ZNF416: variants seen among roughly 807,000 people sequenced by gnomAD.
ZNF416 encodes zinc finger protein 416.
ZNF416 carries 5 observed loss-of-function variants against 10.9 expected under a neutral mutation model. The ratio of observed to expected loss-of-function variants is 0.46; its 90% CI spans 0.24 to 0.97. The LOEUF (loss-of-function observed/expected upper bound fraction) is 0.97, where lower values mean the gene tolerates loss of function less well. ZNF416 is among the 50% of genes least tolerant of loss of function. The pLI is 0.19. For synonymous variants in ZNF416, 267 were observed against 251.8 expected (o/e 1.06, Z -0.57); for missense variants, 675 against 715.0 (o/e 0.94, Z 0.64).
chr19:57,574,417 T>C (rs1261483583), intron 3 of ZNF416, among the ~76,000 whole-genome samples: 1 of 152,228 alleles, frequency 6.6e-6, no homozygotes, highest in Non-Finnish European at 1.5e-5. Context: ...CTTCCTCATG[T>C]GGCCCTGCAT....
chr19:57,572,710 A>G lies in ZNF416; in HGVS notation c.1194T>C (p.Val398=), dbSNP rs781057139. 4.0e-5 allele frequency: 65 copies of G among 1,614,072 alleles called. No individual in the cohort carries two copies. In the South Asian group the frequency reaches 6.8e-4, roughly 17 times the overall value. ...GKLFRQSFSL[V]VHQRIHTTAR... The stretch of plus-strand genomic sequence containing the variant: ...CTGTAGTGTGAATTCTCTGGTGTAC[A>G]ACAAGGCTGAAGCTTTGTCTGAATA... Residue 398 remains valine (V), a synonymous_variant, in exon 4 of 4, where the codon GTT becomes GTC. Coordinates refer to ENST00000196489, the MANE Select transcript of ZNF416 (RefSeq NM_017879.3). This position sits in a 1 kb window ranked among gnomAD's most constrained non-coding sequence, Gnocchi z 4.5.
chr19:57,577,916 G>A (rs757757119), intron 2 of ZNF416, 141 bp downstream of exon 2: 11 of 856,580 alleles, frequency 1.3e-5, no homozygotes, highest in Non-Finnish European at 2.1e-5. Context: ...CAGCCTGGAT[G>A]TATGACCCTG....
rs775717052 is a variant in ZNF416, at chr19:57,578,069, C to T, written c.63G>A (p.Met21Ile). Residue 21 changes from methionine (M) to isoleucine (I), a missense_variant, in exon 2 of 4, where the codon ATG (methionine) becomes ATA (isoleucine). Transcript: ENST00000196489. ...ACTCTCCACTCACCTGTGTAAAGCC[C>T]ATAAGTTTAGCTTCTGCAGTCACGG... Reference protein sequence around the residue: ...SVPVTAEAKLMGFTQGCVTFE... With the variant: ...SVPVTAEAKLIGFTQGCVTFE... The T allele has an allele frequency of 6.2e-7, 1 of 1,614,170 alleles. No individual in the cohort carries two copies. The highest frequency in any genetic ancestry group is 1.1e-5 in the South Asian group (1 of 91,084).
chr19:57,576,685 G>A (rs1199154959), intron 2 of ZNF416, among the ~76,000 whole-genome samples: 1 of 151,786 alleles, frequency 6.6e-6, no homozygotes, highest in Non-Finnish European at 1.5e-5. Context: ...CTCATTCAAA[G>A]TCTGCCCCAG....
chr19:57,573,458 A>C lies in ZNF416; in HGVS notation c.446T>G (p.Leu149Trp). ...DQKHHSAEKPLESDMDKASFV... is the reference protein window; with the variant it reads ...DQKHHSAEKPWESDMDKASFV... Reference sequence around the variant, plus strand: ...TGAGGCCTTGTCCATGTCACTTTCCAAGGGTTTCTCTGCACTATGATGCTT... The same window carrying C: ...TGAGGCCTTGTCCATGTCACTTTCCCAGGGTTTCTCTGCACTATGATGCTT... Residue 149 changes from leucine to tryptophan, a missense_variant, in exon 4 of 4, where the codon TTG becomes TGG. Coordinates refer to ENST00000196489, the MANE Select transcript of ZNF416 (RefSeq NM_017879.3). 3 of 1,614,216 alleles carry C rather than the reference A, an allele frequency of 1.9e-6. No homozygotes were observed. The highest frequency in any genetic ancestry group is 2.5e-6 in the Non-Finnish European group (3 of 1,180,032).
rs756348744 is a variant in ZNF416 at position 57,573,592 on chromosome 19, T to C, written c.312A>G (p.Gln104=). 7.4e-6 allele frequency: 12 copies of C among 1,614,176 alleles called. No homozygotes were observed. The highest frequency in any genetic ancestry group is 1.6e-4 in the Middle Eastern group (1 of 6,062). Residue 104 remains glutamine, a synonymous_variant, in exon 4 of 4, where the codon CAA becomes CAG. Transcript: ENST00000196489. ...PEASPSTQKI[Q]SCDMCVPFLT... is the part of the protein sequence containing the mutation. Reference sequence around the variant, plus strand: ...GGAATGGGACACACATGTCACAGGATTGAATCTTCTGGGTGGATGGACTGG... The same window carrying C: ...GGAATGGGACACACATGTCACAGGACTGAATCTTCTGGGTGGATGGACTGG...
chr19:57,578,438 C>A (rs550605296), intron 1 of ZNF416: 11 of 548,694 alleles, frequency 2.0e-5, no homozygotes, highest in African/African-American at 3.8e-5. Flanking sequence ...ACCATTCGGG[C>A]GTGAACGTTA....
Position 57,572,910 on chromosome 19 carries a change from C to T in ZNF416, c.994G>A (p.Gly332Arg), listed in dbSNP as rs200470907. ...GERPYECGEC[G>R]KSFSQSSNLI... ...TTGGAACTTTGGCTAAAAGATTTCC[C>T]ACATTCACCACACTCGTAAGGCCTT... The change falls in exon 4 of 4, where the codon GGG becomes AGG. Residue 332 changes from glycine to arginine, a missense_variant. Coordinates refer to ENST00000196489, the MANE Select transcript of ZNF416 (RefSeq NM_017879.3). This position sits in a 1 kb window ranked among gnomAD's most constrained non-coding sequence, Gnocchi z 4.5. 1.9e-6 allele frequency: 3 copies of T among 1,614,150 alleles called. No individual in the cohort carries two copies. The highest frequency in any genetic ancestry group is 2.5e-6 in the Non-Finnish European group (3 of 1,180,020).
intron 1 of ZNF416, 50 bp downstream of exon 1, chr19:57,578,622 T>C: frequency 3.3e-6 from 5 of 1,508,128 alleles, no homozygotes; most frequent in Non-Finnish European, 3.6e-6. Flanking sequence ...TGCAGGGTGT[T>C]GGATTTCCGG....
chr19:57,573,217 AGT>A lies in ZNF416; in HGVS notation c.685_686del (p.Thr229PhefsTer5). The A allele has an allele frequency of 6.2e-7, 1 of 1,614,210 alleles. No individual in the cohort carries two copies. The highest frequency in any genetic ancestry group is 8.5e-7 in the Non-Finnish European group (1 of 1,180,030). ...CAGTGCAGACTCTAGGGTGAAAAAA[AGT>A]GTGTTTGTGGCTGGACTCTCTCCTG... ...QCRRESSHKH[T>X]FFHPRVCTGK... On this transcript the variant is annotated frameshift_variant, in exon 4 of 4. Transcript: ENST00000196489. LOFTEE classifies it low-confidence loss of function (END_TRUNC).
chr19:57,572,280 C>A lies in ZNF416; in HGVS notation c.1624G>T (p.Val542Leu). The change falls in exon 4 of 4, where the codon GTG becomes TTG. Residue 542 changes from valine to leucine, a missense_variant. Coordinates refer to ENST00000196489, the MANE Select transcript of ZNF416 (RefSeq NM_017879.3). The surrounding 1 kb of genome is among the most constrained non-coding windows in gnomAD (Gnocchi z 4.5). ...TATGGCCTTTCTCCTGTGTGAACCACTTGGTGTTGAATGAGGCTAGACTTT... is the reference window on the plus strand; with the variant it reads ...TATGGCCTTTCTCCTGTGTGAACCAATTGGTGTTGAATGAGGCTAGACTTT... Reference protein sequence around the residue: ...IQKSSLIQHQVVHTGERPYEC... With the variant: ...IQKSSLIQHQLVHTGERPYEC... 1 of 1,613,688 alleles carries A rather than the reference C, an allele frequency of 6.2e-7. No homozygotes were observed.
In ZNF416 at chr19:57,573,244, G is replaced by A. The variant is rs1468325627; in HGVS notation, c.660C>T (p.Cys220=). 7 of 1,614,244 alleles carry A rather than the reference G, an allele frequency of 4.3e-6. No homozygotes were observed. Among genetic ancestry groups the A allele is most frequent in the Non-Finnish European group, 5.9e-6 (7 of 1,180,044 alleles). Residue 220 remains cysteine, a synonymous_variant, in exon 4 of 4, where the codon TGC becomes TGT. Coordinates refer to ENST00000196489, the MANE Select transcript of ZNF416 (RefSeq NM_017879.3). The part of the protein sequence containing the change: ...VGISHYKWSQ[C]RRESSHKHTF... ...TGTGTTTGTGGCTGGACTCTCTCCT[G>A]CATTGACTCCACTTGTAATGACTTA...
intron 2 of ZNF416, among the ~76,000 whole-genome samples, chr19:57,577,053 G>A (rs1978561138): frequency 6.6e-6 from 1 of 151,896 alleles, no homozygotes; most frequent in Non-Finnish European, 1.5e-5. Context: ...TCCCTGGGCT[G>A]GTAATAGCAT....
At position 57,571,816 on chromosome 19, in the gene ZNF416, A is replaced by C. The variant is rs2123389742; in HGVS notation, c.*303T>G. ...TTCCCCTTAAAGGCTCAGACTGCTC[A>C]AGGAATTTCCTCCAAGGGTTGGGAG... On this transcript the variant is annotated 3_prime_UTR_variant, in exon 4 of 4. Coordinates refer to ENST00000196489, the MANE Select transcript of ZNF416 (RefSeq NM_017879.3). 2 of 322,356 alleles carry C rather than the reference A, an allele frequency of 6.2e-6. No individual in the cohort carries two copies. Among genetic ancestry groups the C allele is most frequent in the Non-Finnish European group, 1.1e-5 (2 of 174,636 alleles). 20.0% of individuals were successfully genotyped at this position (322,356 alleles called of 1,614,324 possible). A position where few individuals can be genotyped will look rare whatever the true frequency, so the allele number is the denominator to read the frequency against.
intron 1 of ZNF416, 32 bp downstream of exon 1, chr19:57,578,640 G>A (rs1192389766): frequency 6.5e-6 from 10 of 1,532,598 alleles, no homozygotes; most frequent in African/African-American, 4.3e-5. Context: ...CGGCGGAGAG[G>A]GCAGGTGAGG....
rs1168087169 is a variant in ZNF416, at chr19:57,572,117, AG to A, written c.*1del. On this transcript the variant is annotated 3_prime_UTR_variant, in exon 4 of 4. Transcript: ENST00000196489. This position sits in a 1 kb window ranked among gnomAD's most constrained non-coding sequence, Gnocchi z 4.5. ...CTTTTCTCAGGTTTGGAGTTTCAAG[AG>A]TTAAACAATGTTAGATCTTGGGCTG... is the stretch of plus-strand genomic sequence containing the variant. 6.2e-7 allele frequency: 1 copy of A among 1,606,412 alleles called. No individual in the cohort carries two copies. Among genetic ancestry groups the A allele is most frequent in the South Asian group, 1.1e-5 (1 of 90,866 alleles).
rs1978645725 is a variant in ZNF416, at chr19:57,578,697, G to A, written c.8C>T (p.Ala3Val). Reference sequence around the variant, plus strand: ...CGAAGTCGAATCCCTAAGCACGGCCGCCGCCATCGGATTGTGAGCGGAGCG... The same window carrying A: ...CGAAGTCGAATCCCTAAGCACGGCCACCGCCATCGGATTGTGAGCGGAGCG... MA[A>V]AVLRDSTSVP... is the part of the protein sequence containing the mutation. Residue 3 changes from alanine (A) to valine (V), a missense_variant, in exon 1 of 4, where the codon GCG becomes GTG. By Grantham distance (64) the Ala-to-Val change is moderately conservative. Coordinates refer to ENST00000196489, the MANE Select transcript of ZNF416 (RefSeq NM_017879.3). 1.3e-6 allele frequency: 2 copies of A among 1,545,382 alleles called. No homozygotes were observed. Among genetic ancestry groups the A allele is most frequent in the Non-Finnish European group, 8.7e-7 (1 of 1,146,744 alleles).
chr19:57,576,378 A>C (rs1978535541), intron 2 of ZNF416, among the ~76,000 whole-genome samples: 1 of 151,844 alleles, frequency 6.6e-6, no homozygotes, highest in Non-Finnish European at 1.5e-5. Flanking sequence ...GGCTATTTCC[A>C]CCCTGTTGCC....
rs776507278 is a variant in ZNF416 at position 57,575,888 on chromosome 19, C to T, written c.118G>A (p.Glu40Lys). 1 of 1,614,060 alleles carries T rather than the reference C, an allele frequency of 6.2e-7. No homozygotes were observed. The highest frequency in any genetic ancestry group is 2.2e-5 in the East Asian group (1 of 44,876). Residue 40 changes from glutamate to lysine, a missense_variant, in exon 3 of 4, where the codon GAA becomes AAA. Coordinates refer to ENST00000196489, the MANE Select transcript of ZNF416 (RefSeq NM_017879.3). This position sits in a 1 kb window ranked among gnomAD's most constrained non-coding sequence, Gnocchi z 4.4. ...FEDVAIYFSQ[E>K]EWGLLDEAQR... ...GCCTCATCAAGGAGCCCCCATTCTT[C>T]CTGGGAGAAGTAAATGGCCACGTCC...
Sources: gnomAD v4.1 joint callset for allele counts (sites outside exome capture counted in the v4.1 genomes callset) on GRCh38, gnomAD v4.1.1 for gene constraint, Gnocchi (gnomAD v3.1) non-coding constraint, MANE v1.5 for transcripts, NCBI Gene and HGNC (gene_info 2026-07-23, HGNC 2026-07-21) for gene names.